Variants in ZEB1 observed in about 807,000 individuals in gnomAD.
The protein encoded by ZEB1 is zinc finger E-box-binding homeobox 1.
Under a neutral mutation model 84.9 loss-of-function variants are expected in ZEB1, and 21 were observed. The ratio of observed to expected loss-of-function variants is 0.25; its 90% CI spans 0.18 to 0.36. The LOEUF (loss-of-function observed/expected upper bound fraction) is 0.36, where lower values mean the gene tolerates loss of function less well. Ranked by LOEUF, ZEB1 falls within the 10% of genes least tolerant of loss-of-function variation. ZEB1 has a pLI of 1.00. For missense variants in ZEB1, 1,104 were observed against 1,330.2 expected, an observed-to-expected ratio of 0.83 and a Z score of 2.65; for synonymous variants, 420 against 471.1, an observed-to-expected ratio of 0.89 and a Z score of 1.41.
At chr10:31,329,393 A>G (rs546059497) in intron 1 of ZEB1, among the ~76,000 whole-genome samples, 11 of 152,110 alleles carry the variant, frequency 7.2e-5, no homozygotes, top group Non-Finnish European at 1.5e-4. Context: ...TATGAATGTT[A>G]TATCACCAAA....
chr10:31,339,778 A>C (rs1388181645), intron 1 of ZEB1, among the ~76,000 whole-genome samples: 1 of 151,880 alleles, frequency 6.6e-6, no homozygotes, highest in East Asian at 1.9e-4. Flanking sequence ...AAAAAAAAAA[A>C]AAAACCTATA....
Position 31,502,393 on chromosome 10 carries a change from A to G in ZEB1, c.368A>G (p.His123Arg), listed in dbSNP as rs749371907. The change falls in exon 4 of 9, where the codon CAT becomes CGT. Residue 123 changes from histidine (H) to arginine (R), a missense_variant. By Grantham distance (29) the His-to-Arg change is conservative. This residue lies in a region of ZEB1 where 162 missense variants were observed against 184.5 expected (regional missense o/e 0.88). Coordinates refer to ENST00000424869, the MANE Select transcript of ZEB1 (RefSeq NM_001174096.2). ...TCAGATGCAGAAAATGAGCAAAACC[A>G]TGATCCTAATGTTGAAGAGTTTCTA... ...CESDAENEQN[H>R]DPNVEEFLQQ... 1.5e-5 allele frequency: 24 copies of G among 1,613,786 alleles called. No homozygotes were observed. The highest frequency in any genetic ancestry group is 2.2e-5 in the South Asian group (2 of 91,076).
chr10:31,472,315 C>T (rs2063383889), intron 2 of ZEB1, among the ~76,000 whole-genome samples: 1 of 151,680 alleles, frequency 6.6e-6, no homozygotes, highest in Admixed American at 6.6e-5. Flanking sequence ...AGACCACTAG[C>T]AAGACTAATA....
intron 1 of ZEB1, among the ~76,000 whole-genome samples, chr10:31,345,146 G>T (rs563709624): frequency 8.7e-4 from 133 of 152,024 alleles, no homozygotes; most frequent in Non-Finnish European, 1.6e-3. Flanking sequence ...TGAATATCCA[G>T]ATTCACAGAC....
At chr10:31,477,445 A>G (rs940450160) in intron 2 of ZEB1, among the ~76,000 whole-genome samples, 1 of 152,066 alleles carries the variant, frequency 6.6e-6, no homozygotes, top group African/African-American at 2.4e-5. Flanking sequence ...GCCCAAAGGA[A>G]TCTGCAGATT....
In ZEB1 at chr10:31,502,333, ATGC is replaced by A; in HGVS notation, c.323-14_323-12del. The A allele has an allele frequency of 6.2e-7, 1 of 1,613,290 alleles. No homozygotes were observed. The highest frequency in any genetic ancestry group is 8.5e-7 in the Non-Finnish European group (1 of 1,179,432). On this transcript the variant is annotated splice_polypyrimidine_tract_variant and intron_variant, in intron 3 of 8. Coordinates refer to ENST00000424869, the MANE Select transcript of ZEB1 (RefSeq NM_001174096.2). ...GTGGTGAGATTGCTGTCTTAAAAGT[ATGC>A]ATTTTTTTTAGTAAAAGATGATGAA...
intron 1 of ZEB1, among the ~76,000 whole-genome samples, chr10:31,443,917 G>A (rs941470636): frequency 6.7e-6 from 1 of 150,240 alleles, no homozygotes. Context: ...TAGTCCTTTG[G>A]GTATATACCC....
chr10:31,477,716 A>G (rs1355546813), intron 2 of ZEB1, among the ~76,000 whole-genome samples: 1 of 152,080 alleles, frequency 6.6e-6, no homozygotes, highest in Non-Finnish European at 1.5e-5. Flanking sequence ...TGACATACCT[A>G]CAACCAACTG....
At chr10:31,400,507 G>A (rs1229055572) in intron 1 of ZEB1, among the ~76,000 whole-genome samples, 1 of 151,370 alleles carries the variant, frequency 6.6e-6, no homozygotes. Context: ...TTAAAGTGTG[G>A]AATACTAAAA....
intron 1 of ZEB1, among the ~76,000 whole-genome samples, chr10:31,334,939 A>T (rs1377696177): frequency 6.6e-6 from 1 of 152,128 alleles, no homozygotes; most frequent in African/African-American, 2.4e-5. Context: ...TCTACAAAAC[A>T]TTCAAGGAAC....
intron 8 of ZEB1, among the ~76,000 whole-genome samples, chr10:31,525,657 C>G (rs976971151): frequency 2.0e-5 from 3 of 152,190 alleles, no homozygotes; most frequent in Non-Finnish European, 1.5e-5. Flanking sequence ...ATATTCTTAA[C>G]TGTTTCAGTG....
intron 1 of ZEB1, among the ~76,000 whole-genome samples, chr10:31,424,028 T>G (rs988300201): frequency 1.3e-5 from 2 of 152,034 alleles, no homozygotes; most frequent in African/African-American, 4.8e-5. Flanking sequence ...TGTTGTTGTT[T>G]TTCTTTTGTT....
chr10:31,509,667 G>C (rs1218044281), intron 4 of ZEB1, among the ~76,000 whole-genome samples: 1 of 152,140 alleles, frequency 6.6e-6, no homozygotes, highest in Non-Finnish European at 1.5e-5. Flanking sequence ...TTGAATAAAG[G>C]AATATATGTT....
chr10:31,360,556 T>C (rs997209812), intron 1 of ZEB1, among the ~76,000 whole-genome samples: 5 of 152,208 alleles, frequency 3.3e-5, no homozygotes, highest in Admixed American at 1.3e-4. Context: ...TCTTTAATTA[T>C]TCAGAAATGA....
Position 31,529,778 on chromosome 10 carries a change from GAC to G in ZEB1, c.*2518_*2519del, listed in dbSNP as rs1491155217. 2 of 152,144 alleles carry G rather than the reference GAC, an allele frequency of 1.3e-5. No homozygotes were observed. Among genetic ancestry groups the G allele is most frequent in the East Asian group, 1.9e-4 (1 of 5,184 alleles). 9.4% of individuals were successfully genotyped at this position (152,144 alleles called of 1,614,324 possible). A position where few individuals can be genotyped will look rare whatever the true frequency, so the allele number is the denominator to read the frequency against. The stretch of plus-strand genomic sequence containing the variant: ...GTCTTATTAAACACTAGTCATAATA[GAC>G]ACAATAAATTATGCCTTCTTTTTCT... On this transcript the variant is annotated 3_prime_UTR_variant, in exon 9 of 9. Coordinates refer to ENST00000424869, the MANE Select transcript of ZEB1 (RefSeq NM_001174096.2).
At chr10:31,507,851 C>CT (rs1275306891) in intron 4 of ZEB1, among the ~76,000 whole-genome samples, 1 of 151,874 alleles carries the variant, frequency 6.6e-6, no homozygotes, top group African/African-American at 2.4e-5. Flanking sequence ...GAATCTGTTG[C>CT]TGGATAATTA....
intron 1 of ZEB1, chr10:31,363,062 G>T (rs1232165033): frequency 1.4e-5 from 22 of 1,533,766 alleles, no homozygotes; most frequent in Non-Finnish European, 1.8e-5. Context: ...TGCAGCGGTG[G>T]CCCCGACAGT....
intron 1 of ZEB1, among the ~76,000 whole-genome samples, chr10:31,368,870 A>G (rs1353984547): frequency 6.6e-6 from 1 of 152,164 alleles, no homozygotes; most frequent in East Asian, 1.9e-4. Context: ...AATAATTTTG[A>G]TGAATGATTT....
At chr10:31,486,341 A>G (rs2065762819) in intron 2 of ZEB1, among the ~76,000 whole-genome samples, 2 of 151,748 alleles carry the variant, frequency 1.3e-5, no homozygotes, top group African/African-American at 4.8e-5. Context: ...TCCCACCAGT[A>G]ATAAATAAGA....
Sources: allele counts gnomAD v4.1 joint callset (sites outside exome capture counted in the v4.1 genomes callset), GRCh38; gene constraint gnomAD v4.1.1; regional missense constraint gnomAD v4.1.1; transcripts MANE v1.5; gene names NCBI Gene and HGNC (gene_info 2026-07-23, HGNC 2026-07-21).